The following EMSY variants were observed in gnomAD, a reference collection of about 807,000 sequenced individuals.
The protein encoded by EMSY is EMSY transcriptional repressor, BRCA2 interacting.
Under a neutral mutation model 134.6 loss-of-function variants are expected in EMSY, and 26 were observed. The ratio of observed to expected loss-of-function variants is 0.19; its 90% confidence interval spans 0.14 to 0.27. The LOEUF is 0.27. Ranked by LOEUF, EMSY falls within the 10% of genes least tolerant of loss-of-function variation. EMSY has a pLI of 1.00. For synonymous variants in EMSY, 579 were observed against 577.8 expected, an observed-to-expected ratio of 1.00 and a Z score of -0.03; for missense variants, 1,305 against 1,611.4, an observed-to-expected ratio of 0.81 and a Z score of 3.26.
rs373770867 is a variant in EMSY at position 76,479,458 on chromosome 11, G to A, written c.1108+6618G>A. Among the ~76,000 whole-genome samples, 6 of 152,314 alleles carry A rather than the reference G, an allele frequency of 3.9e-5. No homozygotes were observed. The East Asian group carries it at 9.6e-4, about 24-fold the overall frequency. On this transcript the variant is annotated intron_variant, in intron 8 of 20. Coordinates refer to ENST00000334736, the Ensembl canonical transcript of EMSY. ...AATGGCATGTATGCAGGCTGGATGCGCCAATAACAGGTTCCCCGCAATGCC... is the reference window on the plus strand; with the variant it reads ...AATGGCATGTATGCAGGCTGGATGCACCAATAACAGGTTCCCCGCAATGCC...
At chr11:76,464,437 A>G (rs1387747995) in intron 7 of EMSY, among the ~76,000 whole-genome samples, 1 of 152,242 alleles carries the variant, frequency 6.6e-6, no homozygotes, top group Non-Finnish European at 1.5e-5. Context: ...TTAATTTGCC[A>G]AAGTAGTAAA....
At chr11:76,534,524 A>T (rs891332593) in intron 14 of EMSY, among the ~76,000 whole-genome samples, 3 of 152,082 alleles carry the variant, frequency 2.0e-5, no homozygotes, top group East Asian at 1.9e-4. Context: ...TTGTGTATTG[A>T]TTTTGTTTTT....
At chr11:76,495,863 C>A (rs78115198) in intron 8 of EMSY, among the ~76,000 whole-genome samples, 2,548 of 152,010 alleles carry the variant, frequency 0.017, 46 homozygotes, top group East Asian at 0.093. Context: ...TCGCTTTGTT[C>A]TTATATTATT....
At chr11:76,480,752 G>GTA (rs1466520975) in intron 8 of EMSY, among the ~76,000 whole-genome samples, 1 of 152,214 alleles carries the variant, frequency 6.6e-6, no homozygotes, top group African/African-American at 2.4e-5. Flanking sequence ...GACAGTGGGT[G>GTA]TAGCCCATGG....
chr11:76,525,934 T>A (rs1002412192), intron 12 of EMSY, among the ~76,000 whole-genome samples: 11 of 152,290 alleles, frequency 7.2e-5, no homozygotes, highest in African/African-American at 2.6e-4. Context: ...ATGTAGACAT[T>A]CTACTATATA....
intron 9 of EMSY, among the ~76,000 whole-genome samples, chr11:76,513,094 C>T (rs1321587474): frequency 6.6e-6 from 1 of 152,056 alleles, no homozygotes; most frequent in African/African-American, 2.4e-5. Context: ...AAAGTCAAGT[C>T]CAGTGGATAA....
At chr11:76,506,983 T>C (rs1950104116) in intron 9 of EMSY, among the ~76,000 whole-genome samples, 1 of 152,230 alleles carries the variant, frequency 6.6e-6, no homozygotes, top group Non-Finnish European at 1.5e-5. Context: ...GCGTACTTTA[T>C]AGAGTTTACA....
chr11:76,548,239 C>T (rs975212876), intron 20 of EMSY, among the ~76,000 whole-genome samples: 1 of 152,130 alleles, frequency 6.6e-6, no homozygotes, highest in African/African-American at 2.4e-5. Context: ...TAGCTTTGAT[C>T]TGAAGTATTG....
chr11:76,445,535 CTTG>C (rs1057431665), intron 1 of EMSY, among the ~76,000 whole-genome samples: 90 of 151,920 alleles, frequency 5.9e-4, no homozygotes, highest in African/African-American at 1.9e-3. Context: ...GCTGGCTGCT[CTTG>C]TTGTGGTGCT....
chr11:76,536,429 G>A (rs1050264622), intron 15 of EMSY, among the ~76,000 whole-genome samples: 1 of 152,196 alleles, frequency 6.6e-6, no homozygotes, highest in Non-Finnish European at 1.5e-5. Context: ...CAGTTGCATT[G>A]AAGAATAGCA....
At chr11:76,496,095 A>C (rs920488918) in intron 8 of EMSY, 120 bp from the exon 10 acceptor site, 1 of 1,119,818 alleles carries the variant, frequency 8.9e-7, no homozygotes, top group African/African-American at 1.6e-5. Flanking sequence ...TAGGTGCTCA[A>C]TAAATTGTAC....
intron 4 of EMSY, 63 bp from the exon 5 acceptor site, chr11:76,454,686 A>C: frequency 2.7e-6 from 3 of 1,103,628 alleles, no homozygotes; most frequent in Non-Finnish European, 3.8e-6. Flanking sequence ...AAGTTGATGC[A>C]TCAGTTTCAT....
At chr11:76,473,879 C>T (rs1193689005) in intron 8 of EMSY, among the ~76,000 whole-genome samples, 3 of 152,002 alleles carry the variant, frequency 2.0e-5, no homozygotes, top group African/African-American at 4.8e-5. Flanking sequence ...CCTGTAATCC[C>T]GGCTACTCGG....
At chr11:76,501,608 A>G (rs1185110856) in intron 9 of EMSY, among the ~76,000 whole-genome samples, 1 of 152,146 alleles carries the variant, frequency 6.6e-6, no homozygotes, top group African/African-American at 2.4e-5. Flanking sequence ...AGAATTTGCA[A>G]ATCTGAAAAA....
intron 19 of EMSY, 143 bp from the exon 21 acceptor site, chr11:76,545,654 C>A: frequency 9.7e-7 from 1 of 1,027,772 alleles, no homozygotes; most frequent in East Asian, 2.5e-5. Flanking sequence ...TCCTATCCAG[C>A]CCTCTTTTTA....
At chr11:76,504,288 T>TTA (rs1388507989) in intron 9 of EMSY, among the ~76,000 whole-genome samples, 2 of 149,216 alleles carry the variant, frequency 1.3e-5, no homozygotes, top group Non-Finnish European at 3.0e-5. Flanking sequence ...ATATGAGTTT[T>TTA]TATATATATA....
chr11:76,503,325 AAG>A, intron 9 of EMSY, among the ~76,000 whole-genome samples: 1 of 132,480 alleles, frequency 7.5e-6, no homozygotes, highest in African/African-American at 3.0e-5. Context: ...AAAAAAAAAG[AAG>A]AAGAAGGAGA....
intron 8 of EMSY, among the ~76,000 whole-genome samples, chr11:76,490,855 G>GGTGTGTGT (rs61555535): frequency 1.3e-5 from 2 of 148,596 alleles, no homozygotes; most frequent in African/African-American, 4.9e-5. Flanking sequence ...ATTGCTAGGG[G>GGTGTGTGT]GTGTGTGTGT....
chr11:76,453,229 C>G, intron 3 of EMSY, 85 bp from the exon 4 acceptor site: 1 of 1,286,340 alleles, frequency 7.8e-7, no homozygotes, highest in Non-Finnish European at 1.1e-6. Flanking sequence ...CTTCTCCCCC[C>G]AAAAATGTTG....
Sources: allele counts gnomAD v4.1 joint callset (sites outside exome capture counted in the v4.1 genomes callset), GRCh38; gene constraint gnomAD v4.1.1; transcripts MANE v1.5; gene names NCBI Gene and HGNC (gene_info 2026-07-23, HGNC 2026-07-21).